The following RNF180 variants were observed in gnomAD, a reference collection of about 807,000 sequenced individuals.
RNF180 encodes the protein E3 ubiquitin-protein ligase RNF180.
Under a neutral mutation model 59.2 loss-of-function variants are expected in RNF180, and 38 were observed. The ratio of observed to expected loss-of-function variants is 0.64; its 90% CI spans 0.50 to 0.84. The LOEUF is 0.84. Ranked by LOEUF, RNF180 falls within the 40% of genes least tolerant of loss-of-function variation. The pLI is 0.00. For synonymous variants in RNF180, 262 were observed against 240.3 expected, an observed-to-expected ratio of 1.09 and a Z score of -0.84; for missense variants, 705 against 700.9, an observed-to-expected ratio of 1.01 and a Z score of -0.07.
chr5:64,287,159 G>A (rs1410283289), intron 5 of RNF180, among the ~76,000 whole-genome samples: 1 of 152,004 alleles, frequency 6.6e-6, no homozygotes, highest in African/African-American at 2.4e-5. Context: ...TAGAGCTGGG[G>A]TTTCACCATC....
intron 7 of RNF180, among the ~76,000 whole-genome samples, chr5:64,342,998 TCTCA>T (rs1332676660): frequency 6.6e-6 from 1 of 152,124 alleles, no homozygotes; most frequent in African/African-American, 2.4e-5. Context: ...GGGATGAGTC[TCTCA>T]CTCTGTCTGC....
chr5:64,229,583 T>C (rs1368888080), intron 5 of RNF180, among the ~76,000 whole-genome samples: 2 of 152,244 alleles, frequency 1.3e-5, no homozygotes, highest in East Asian at 1.9e-4. Context: ...ATGCTTTTGC[T>C]AAACTGCTTT....
intron 7 of RNF180, among the ~76,000 whole-genome samples, chr5:64,367,353 A>G (rs1746490160): frequency 6.6e-6 from 1 of 151,676 alleles, no homozygotes; most frequent in South Asian, 2.1e-4. Flanking sequence ...AAAGATAAAC[A>G]ATAAAATATT....
rs1330144380 is a variant in RNF180 at position 64,326,755 on chromosome 5, G to T, written c.1453+1344G>T. On this transcript the variant is annotated intron_variant, in intron 6 of 7. Transcript: ENST00000389100. ...AGGATTTTTGCATCTATTTTCATCA[G>T]GGCTATTGGACTGAAAACTTTTTTT... Among the ~76,000 whole-genome samples the T allele has an allele frequency of 4.6e-5, 7 of 152,118 alleles. No homozygotes were observed. The East Asian group carries it at 1.2e-3, about 25-fold the overall frequency.
intron 5 of RNF180, among the ~76,000 whole-genome samples, chr5:64,233,936 T>C (rs908027294): frequency 6.6e-6 from 1 of 152,196 alleles, no homozygotes; most frequent in Admixed American, 6.5e-5. Flanking sequence ...CTGGTCTGGT[T>C]CAGAAAACTT....
intron 4 of RNF180, among the ~76,000 whole-genome samples, chr5:64,216,533 A>G (rs1752639190): frequency 6.6e-6 from 1 of 152,218 alleles, no homozygotes; most frequent in Non-Finnish European, 1.5e-5. Flanking sequence ...ATTTAAAATA[A>G]TTGGTTGATA....
chr5:64,289,663 C>G (rs1041254725), intron 5 of RNF180, among the ~76,000 whole-genome samples: 2 of 152,064 alleles, frequency 1.3e-5, no homozygotes, highest in African/African-American at 4.8e-5. Flanking sequence ...TCTAGATTTT[C>G]TAGTTTATGT....
chr5:64,222,829 C>T (rs1580047728), intron 5 of RNF180, among the ~76,000 whole-genome samples: 1 of 152,314 alleles, frequency 6.6e-6, no homozygotes, highest in South Asian at 2.1e-4. Flanking sequence ...CTTCTCTGCA[C>T]ATGAGTTTCG....
At chr5:64,358,892 T>C (rs1190467167) in intron 7 of RNF180, among the ~76,000 whole-genome samples, 1 of 151,370 alleles carries the variant, frequency 6.6e-6, no homozygotes, top group Non-Finnish European at 1.5e-5. Flanking sequence ...GTGTCTGGTT[T>C]TTTGTTCTTG....
At chr5:64,313,338 C>A (rs1743872798) in intron 5 of RNF180, among the ~76,000 whole-genome samples, 1 of 152,048 alleles carries the variant, frequency 6.6e-6, no homozygotes. Flanking sequence ...GCTCCTGTGT[C>A]TGTTGTTCCC....
intron 1 of RNF180, among the ~76,000 whole-genome samples, chr5:64,192,905 A>ATG (rs1751245057): frequency 2.3e-5 from 1 of 42,912 alleles, no homozygotes; most frequent in African/African-American, 1.6e-4. Flanking sequence ...TGTGGCATGT[A>ATG]TATATATATA....
chr5:64,360,956 A>G (rs2112604715), intron 7 of RNF180, among the ~76,000 whole-genome samples: 1 of 151,778 alleles, frequency 6.6e-6, no homozygotes, highest in African/African-American at 2.4e-5. Flanking sequence ...GCTATATTCT[A>G]ATACAAACAA....
intron 5 of RNF180, among the ~76,000 whole-genome samples, chr5:64,288,505 A>G (rs1742406406): frequency 6.6e-6 from 1 of 152,226 alleles, no homozygotes; most frequent in South Asian, 2.1e-4. Flanking sequence ...CATTTTCACG[A>G]TATGATTCTT....
chr5:64,210,015 GT>G (rs1164736000), intron 2 of RNF180, among the ~76,000 whole-genome samples: 1 of 152,092 alleles, frequency 6.6e-6, no homozygotes, highest in Non-Finnish European at 1.5e-5. Flanking sequence ...AGAAAAGCTA[GT>G]CATGACTGAA....
intron 5 of RNF180, among the ~76,000 whole-genome samples, chr5:64,237,625 G>C (rs1742520619): frequency 6.6e-6 from 1 of 152,146 alleles, no homozygotes; most frequent in African/African-American, 2.4e-5. Context: ...GGAAGGGCCA[G>C]AGGCAGAATG....
chr5:64,184,817 TGAG>T (rs1387538143), intron 1 of RNF180, among the ~76,000 whole-genome samples: 2 of 152,160 alleles, frequency 1.3e-5, no homozygotes, highest in African/African-American at 4.8e-5. Context: ...CTTCAATCCA[TGAG>T]GAAATGAATG....
chr5:64,340,957 A>C (rs528480319), intron 7 of RNF180, among the ~76,000 whole-genome samples: 7 of 149,662 alleles, frequency 4.7e-5, no homozygotes, highest in Non-Finnish European at 1.0e-4. Context: ...CCCTTTACCT[A>C]CTCTTTCCCT....
At chr5:64,177,526 C>CATATATATATATAT (rs58046669) in intron 1 of RNF180, among the ~76,000 whole-genome samples, 98 of 105,180 alleles carry the variant, frequency 9.3e-4, no homozygotes, top group Middle Eastern at 5.8e-3. Context: ...TAAATTATGC[C>CATATATATATATAT]ATATATATAT....
chr5:64,316,494 C>A (rs541783562), intron 5 of RNF180, among the ~76,000 whole-genome samples: 26 of 152,292 alleles, frequency 1.7e-4, no homozygotes, highest in African/African-American at 6.0e-4. Flanking sequence ...AATATTTATT[C>A]ATCCATGCAT....
Sources: gnomAD v4.1 joint callset for allele counts (sites outside exome capture counted in the v4.1 genomes callset) on GRCh38, gnomAD v4.1.1 for gene constraint, MANE v1.5 for transcripts, NCBI Gene and HGNC (gene_info 2026-07-23, HGNC 2026-07-21) for gene names.